The following VWDE variants were observed in gnomAD, a reference collection of about 807,000 sequenced individuals.
The protein encoded by VWDE is von Willebrand factor D and EGF domains.
In VWDE, 207 loss-of-function variants were observed where a neutral mutation model predicts 178.4. That is an observed-to-expected ratio of 1.16 (90% CI 1.04 to 1.30). VWDE has a LOEUF of 1.30. Ranked by LOEUF, VWDE falls within the 50% of genes most tolerant of loss-of-function variation. VWDE has a pLI of 0.00. For missense variants in VWDE, 2,287 were observed against 1,901.3 expected, an observed-to-expected ratio of 1.20 and a Z score of -3.77; for synonymous variants, 738 against 651.4, an observed-to-expected ratio of 1.13 and a Z score of -2.02.
intron 7 of VWDE, among the ~76,000 whole-genome samples, chr7:12,375,557 A>T (rs1783479457): frequency 6.6e-6 from 1 of 151,810 alleles, no homozygotes; most frequent in Non-Finnish European, 1.5e-5. Flanking sequence ...CATATATTAT[A>T]ATTTTACATA....
chr7:12,398,829 G>A (rs540624887), intron 1 of VWDE, among the ~76,000 whole-genome samples: 1 of 152,100 alleles, frequency 6.6e-6, no homozygotes, highest in Non-Finnish European at 1.5e-5. Flanking sequence ...GCTTATAAGG[G>A]CAAGCTAAAC....
chr7:12,335,376 A>G (rs1583267781), intron 27 of VWDE, among the ~76,000 whole-genome samples: 1 of 152,298 alleles, frequency 6.6e-6, no homozygotes, highest in Middle Eastern at 3.4e-3. Flanking sequence ...CTAATACTGG[A>G]TGGAGATATA....
intron 18 of VWDE, among the ~76,000 whole-genome samples, chr7:12,355,702 T>A (rs928638713): frequency 2.0e-5 from 3 of 152,184 alleles, no homozygotes; most frequent in Non-Finnish European, 4.4e-5. Context: ...TTTCAACTTC[T>A]TACCATGATA....
intron 2 of VWDE, among the ~76,000 whole-genome samples, chr7:12,392,812 A>AAG (rs889818875): frequency 1.3e-5 from 2 of 151,918 alleles, no homozygotes; most frequent in African/African-American, 2.4e-5. Context: ...AAGTTGCAAA[A>AAG]AAAAAAAAAA....
intron 2 of VWDE, among the ~76,000 whole-genome samples, chr7:12,393,346 T>C (rs1299558556): frequency 3.3e-5 from 5 of 152,208 alleles, no homozygotes; most frequent in African/African-American, 1.2e-4. Context: ...TGATAGATTG[T>C]ATGCTACAGT....
intron 12 of VWDE, 148 bp from the exon 13 acceptor site, chr7:12,367,641 T>C (rs1466218002): frequency 1.7e-6 from 1 of 594,298 alleles, no homozygotes; most frequent in Non-Finnish European, 2.7e-6. Context: ...AATTAAGCCA[T>C]TAAATGTTAA....
chr7:12,352,497 T>C (rs1781998269), intron 18 of VWDE, among the ~76,000 whole-genome samples: 1 of 152,238 alleles, frequency 6.6e-6, no homozygotes, highest in Non-Finnish European at 1.5e-5. Context: ...CACTCATGTG[T>C]AAGGGGATTT....
chr7:12,338,926 T>C (rs77414415), intron 24 of VWDE, among the ~76,000 whole-genome samples: 2,838 of 152,284 alleles, frequency 0.019, 83 homozygotes, highest in African/African-American at 0.064. Flanking sequence ...TTTCATATGA[T>C]TTTACATTCC....
In VWDE at chr7:12,350,618, A is replaced by G. The variant is rs190959515; in HGVS notation, c.3886+955T>C. 2.1e-4 allele frequency among the ~76,000 whole-genome samples: 32 copies of G among 152,248 alleles called. No homozygotes were observed. In the East Asian group the frequency reaches 4.8e-3, roughly 23 times the overall value. The stretch of plus-strand genomic sequence containing the variant: ...AGGCTTTGTACTAGAGGTACACTAC[A>G]CTACAATGAGAGCGTAAGTTTGAGA... On this transcript the variant is annotated intron_variant, in intron 19 of 28. Coordinates refer to ENST00000275358, the MANE Select transcript of VWDE (RefSeq NM_001135924.3).
chr7:12,343,058 C>T, intron 22 of VWDE, 25 bp downstream of exon 22: 1 of 1,516,930 alleles, frequency 6.6e-7, no homozygotes, highest in South Asian at 1.2e-5. Flanking sequence ...TTCATTATAT[C>T]AGACATCAGG....
At chr7:12,403,070 G>A (rs1562528709) in intron 1 of VWDE, among the ~76,000 whole-genome samples, 1 of 152,144 alleles carries the variant, frequency 6.6e-6, no homozygotes, top group Non-Finnish European at 1.5e-5. Flanking sequence ...CTTTGTCATG[G>A]ATTAAAGAAG....
chr7:12,333,809 T>C (rs1321957096), intron 27 of VWDE: 1 of 325,920 alleles, frequency 3.1e-6, no homozygotes, highest in Non-Finnish European at 5.5e-6. Flanking sequence ...AAGATATTAT[T>C]AAAAGAAACA....
chr7:12,357,685 C>G (rs572415823), intron 16 of VWDE, among the ~76,000 whole-genome samples, 170 bp from the exon 17 acceptor site: 1 of 151,664 alleles, frequency 6.6e-6, no homozygotes, highest in South Asian at 2.1e-4. Context: ...CAATTCCATT[C>G]TTAGACACAT....
rs371837267 is a variant in VWDE, at chr7:12,357,507, G to T, written c.3283C>A (p.Pro1095Thr). 6.4e-7 allele frequency: 1 copy of T among 1,552,034 alleles called. No homozygotes were observed. The highest frequency in any genetic ancestry group is 8.7e-7 in the Non-Finnish European group (1 of 1,147,070). ...TCTTGCAATGCTTGAATCACTGGGG[G>T]CTGGTTGTCTGTAATAGAGAAAACA... The part of the protein sequence containing the change: ...FTWSFLENNQ[P>T]PVIQALQDKL... The change falls in exon 17 of 29, where the codon CCC (proline) becomes ACC (threonine). Residue 1095 changes from proline to threonine, a missense_variant. Coordinates refer to ENST00000275358, the MANE Select transcript of VWDE (RefSeq NM_001135924.3).
intron 16 of VWDE, 65 bp from the exon 17 acceptor site, chr7:12,357,580 A>G: frequency 6.7e-7 from 1 of 1,498,032 alleles, no homozygotes. Context: ...TACTTCTGAG[A>G]GCTCCCACAG....
intron 3 of VWDE, among the ~76,000 whole-genome samples, chr7:12,388,382 T>C (rs1221147113): frequency 6.6e-6 from 1 of 150,386 alleles, no homozygotes; most frequent in African/African-American, 2.5e-5. Flanking sequence ...CACTGTAAAA[T>C]TAGTAGATTT....
In VWDE at chr7:12,370,406, A is replaced by G. The variant is rs995119458; in HGVS notation, c.1900T>C (p.Ser634Pro). Residue 634 changes from serine (S) to proline (P), a missense_variant, in exon 12 of 29, where the codon TCT becomes CCT. Physicochemically the swap from Ser to Pro is moderately conservative, Grantham distance 74. Transcript: ENST00000275358. ...GAAACACTGTCCAGATCTTCGGAAG[A>G]CGGATACGCTGCAGTGTCCAATGAA... The part of the protein sequence containing the change: ...SCSLDTAAYP[S>P]SEDLDSVSRS... 1.3e-6 allele frequency: 2 copies of G among 1,548,414 alleles called. No individual in the cohort carries two copies. Among genetic ancestry groups the G allele is most frequent in the Admixed American group, 3.9e-5 (2 of 50,972 alleles).
Position 12,337,407 on chromosome 7 carries a change from A to T in VWDE, c.4367-135T>A, listed in dbSNP as rs909561782. 5 of 784,686 alleles carry T rather than the reference A, an allele frequency of 6.4e-6. No homozygotes were observed. The African/African-American group carries it at 8.6e-5, about 13-fold the overall frequency. The allele number at this position is 784,686 out of a possible 1,614,324, so 48.6% of individuals were successfully genotyped here. ...CTATTAAAATAAAAGATCACTCATT[A>T]AACCTGTCCTTTCTAAATCATGAAA... On this transcript the variant is annotated intron_variant, in intron 24 of 28. Transcript: ENST00000275358.
chr7:12,339,557 G>T (rs1047635150), intron 24 of VWDE, among the ~76,000 whole-genome samples: 9 of 151,944 alleles, frequency 5.9e-5, no homozygotes, highest in African/African-American at 2.2e-4. Flanking sequence ...TCCATCCTAA[G>T]AATCCTAGCC....
Sources: allele counts gnomAD v4.1 joint callset (sites outside exome capture counted in the v4.1 genomes callset), GRCh38; gene constraint gnomAD v4.1.1; transcripts MANE v1.5; gene names NCBI Gene and HGNC (gene_info 2026-07-23, HGNC 2026-07-21).